PPHLN1: variants seen among roughly 807,000 people sequenced by gnomAD.
PPHLN1 encodes the protein periphilin-1.
In PPHLN1, 29 loss-of-function variants were observed where a neutral mutation model predicts 51.3. The observed-to-expected ratio is 0.57, with a 90% CI of 0.42 to 0.77. The LOEUF is 0.77. Ranked by LOEUF, PPHLN1 falls within the 30% of genes least tolerant of loss-of-function variation. The pLI, the probability that PPHLN1 is intolerant of heterozygous loss-of-function variation, is 0.00. For synonymous variants in PPHLN1, 147 were observed against 147.8 expected, an observed-to-expected ratio of 0.99 and a Z score of 0.04; for missense variants, 436 against 438.4, an observed-to-expected ratio of 0.99 and a Z score of 0.05.
chr12:42,385,073 G>C (rs903364609), intron 6 of PPHLN1, 77 bp downstream of exon 6: 54 of 1,416,888 alleles, frequency 3.8e-5, no homozygotes, highest in Non-Finnish European at 5.1e-5. Flanking sequence ...ATGGAAATGG[G>C]GAAAGTGTAT....
chr12:42,337,901 A>G (rs1378212519), intron 2 of PPHLN1, among the ~76,000 whole-genome samples: 1 of 151,768 alleles, frequency 6.6e-6, no homozygotes, highest in East Asian at 1.9e-4. Context: ...CTCCTGCCTC[A>G]GCCTCCTGAG....
intron 1 of PPHLN1, among the ~76,000 whole-genome samples, chr12:42,328,240 C>T (rs1416579934): frequency 6.6e-6 from 1 of 152,092 alleles, no homozygotes; most frequent in Non-Finnish European, 1.5e-5. Context: ...ATGTGTTAGT[C>T]TGTTTGTGGC....
At chr12:42,381,087 T>A (rs1391340335) in intron 5 of PPHLN1, among the ~76,000 whole-genome samples, 1 of 152,136 alleles carries the variant, frequency 6.6e-6, no homozygotes, top group Non-Finnish European at 1.5e-5. Context: ...TCATATGGAG[T>A]CCCTAAAGTA....
In PPHLN1 at chr12:42,441,689, T is replaced by A; in HGVS notation, c.*180T>A. 1 of 1,270,552 alleles carries A rather than the reference T, an allele frequency of 7.9e-7. No individual in the cohort carries two copies. Among genetic ancestry groups the A allele is most frequent in the Non-Finnish European group, 1.0e-6 (1 of 993,232 alleles). The allele number at this position is 1,270,552 out of a possible 1,614,324, so 78.7% of individuals were successfully genotyped here. On this transcript the variant is annotated 3_prime_UTR_variant, in exon 10 of 10. Coordinates refer to ENST00000358314, the MANE Select transcript of PPHLN1 (RefSeq NM_201439.2). ...TCTGTTTAAAATGTTTGATTCAAAT[T>A]TTTGTATTTTTTGTAGAGATGGGGT...
At chr12:42,342,271 A>T (rs1298731675) in intron 2 of PPHLN1, among the ~76,000 whole-genome samples, 1 of 152,180 alleles carries the variant, frequency 6.6e-6, no homozygotes, top group Non-Finnish European at 1.5e-5. Flanking sequence ...TCATATGTAC[A>T]TACACACAGG....
intron 9 of PPHLN1, among the ~76,000 whole-genome samples, chr12:42,411,970 G>A (rs1219591455): frequency 1.3e-5 from 2 of 150,022 alleles, no homozygotes; most frequent in Non-Finnish European, 3.0e-5. Flanking sequence ...ACTTTGGGAG[G>A]CCGAGGCAGG....
At chr12:42,375,233 A>G in intron 5 of PPHLN1, 159 bp downstream of exon 5, 1 of 515,354 alleles carries the variant, frequency 1.9e-6, no homozygotes, top group South Asian at 3.6e-5. Flanking sequence ...TATAACAAAC[A>G]CCATACACAC....
chr12:42,354,845 T>C (rs1193751660), intron 3 of PPHLN1, among the ~76,000 whole-genome samples: 1 of 152,220 alleles, frequency 6.6e-6, no homozygotes, highest in African/African-American at 2.4e-5. Flanking sequence ...GAGAAATGTG[T>C]GCTTTATTAA....
intron 4 of PPHLN1, among the ~76,000 whole-genome samples, chr12:42,372,568 AT>A (rs1223793301): frequency 6.6e-6 from 1 of 151,904 alleles, no homozygotes. Flanking sequence ...CTCCTTTCTA[AT>A]GTTTCTCTGT....
chr12:42,399,249 C>T, intron 9 of PPHLN1: 1 of 1,022,446 alleles, frequency 9.8e-7, no homozygotes, highest in Non-Finnish European at 1.2e-6. Context: ...TAGTATGAAG[C>T]AATTAAAAAT....
At chr12:42,424,932 T>TA (rs1158500178) in intron 9 of PPHLN1, among the ~76,000 whole-genome samples, 2 of 152,146 alleles carry the variant, frequency 1.3e-5, no homozygotes, top group African/African-American at 4.8e-5. Context: ...AGTAACATAA[T>TA]ACAGTGTTAA....
At chr12:42,386,600 C>T (rs939696579) in intron 6 of PPHLN1, among the ~76,000 whole-genome samples, 1 of 152,080 alleles carries the variant, frequency 6.6e-6, no homozygotes, top group Admixed American at 6.5e-5. Context: ...AATTTTATGC[C>T]ACTTTCTCTT....
At position 42,436,717 on chromosome 12, in the gene PPHLN1, G is replaced by A. The variant is rs199954304; in HGVS notation, c.910-4598G>A. On this transcript the variant is annotated intron_variant, in intron 9 of 9. Transcript: ENST00000358314. ...GTTTTACCAATCCGACAACTGAGAG[G>A]GCTACTAAGTGACTAACAGGTGGGT... Among the ~76,000 whole-genome samples the A allele has an allele frequency of 1.6e-4, 24 of 152,220 alleles. No homozygotes were observed. The East Asian group carries it at 4.6e-3, about 29-fold the overall frequency.
rs553049538 is a variant in PPHLN1 at position 42,362,632 on chromosome 12, G to C, written c.299+7410G>C. Among the ~76,000 whole-genome samples, 9 of 152,276 alleles carry C rather than the reference G, an allele frequency of 5.9e-5. No individual in the cohort carries two copies. The South Asian group carries it at 1.2e-3, about 21-fold the overall frequency. Reference sequence around the variant, plus strand: ...TTGAAGCTAAGAATCTGAACACACAGACACACACACAGACTTTTACTTCTG... The same window carrying C: ...TTGAAGCTAAGAATCTGAACACACACACACACACACAGACTTTTACTTCTG... On this transcript the variant is annotated intron_variant, in intron 4 of 9. Coordinates refer to ENST00000358314, the MANE Select transcript of PPHLN1 (RefSeq NM_201439.2).
rs146510166 is a variant in PPHLN1, at chr12:42,387,282, G to C, written c.569-174G>C. The C allele has an allele frequency of 5.4e-4, 322 of 592,678 alleles. No homozygotes were observed. In the Middle Eastern group the frequency reaches 5.7e-3, roughly 10 times the overall value. 36.7% of individuals were successfully genotyped at this position (592,678 alleles called of 1,614,324 possible). ...TCCAGGTTATTTCAGATTGTTGATGGTGCTTAGCCTCTGAGAGGTAGTTTT... is the reference window on the plus strand; with the variant it reads ...TCCAGGTTATTTCAGATTGTTGATGCTGCTTAGCCTCTGAGAGGTAGTTTT... On this transcript the variant is annotated intron_variant, in intron 6 of 9. Transcript: ENST00000358314.
At chr12:42,354,198 T>C (rs563461999) in intron 3 of PPHLN1, among the ~76,000 whole-genome samples, 1 of 152,214 alleles carries the variant, frequency 6.6e-6, no homozygotes, top group African/African-American at 2.4e-5. Flanking sequence ...AATTTGCATA[T>C]TGTATTATTC....
At chr12:42,403,660 C>T (rs2079033960) in intron 9 of PPHLN1, among the ~76,000 whole-genome samples, 1 of 151,958 alleles carries the variant, frequency 6.6e-6, no homozygotes, top group Non-Finnish European at 1.5e-5. Flanking sequence ...GTACAGATAC[C>T]AAGTCTTATT....
chr12:42,443,390 A>G (rs1260618178), downstream of PPHLN1: 1 of 152,288 alleles, frequency 6.6e-6, no homozygotes, highest in Non-Finnish European at 1.5e-5. Context: ...CATTAGAGAA[A>G]ATGGAGCTGC....
chr12:42,402,408 A>G (rs544122822), intron 9 of PPHLN1, among the ~76,000 whole-genome samples: 1 of 152,290 alleles, frequency 6.6e-6, no homozygotes, highest in South Asian at 2.1e-4. Flanking sequence ...GTTGATTGTT[A>G]TTAGCTTTAT....
Sources: allele counts gnomAD v4.1 joint callset (sites outside exome capture counted in the v4.1 genomes callset), GRCh38; gene constraint gnomAD v4.1.1; transcripts MANE v1.5; gene names NCBI Gene and HGNC (gene_info 2026-07-23, HGNC 2026-07-21).